DCAF1: variants seen among roughly 807,000 people sequenced by gnomAD.
DCAF1 encodes the protein DDB1 and CUL4 associated factor 1.
Under a neutral mutation model 128.0 loss-of-function variants are expected in DCAF1, and 15 were observed. The ratio of observed to expected loss-of-function variants is 0.12; its 90% confidence interval spans 0.08 to 0.18. The LOEUF is 0.18. DCAF1 is among the 10% of genes least tolerant of loss of function. The pLI, the probability that DCAF1 is intolerant of heterozygous loss-of-function variation, is 1.00. For missense variants in DCAF1, 988 were observed against 1,649.5 expected (o/e 0.60, Z 6.95); for synonymous variants, 610 against 603.0 (o/e 1.01, Z -0.17).
intron 9 of DCAF1, among the ~76,000 whole-genome samples, chr3:51,439,706 T>C (rs1020407317): frequency 6.6e-6 from 1 of 152,108 alleles, no homozygotes. Context: ...AAAAATTTTT[T>C]TGTGGCCAGG....
chr3:51,427,621 C>A, intron 12 of DCAF1, 80 bp from the exon 13 acceptor site: 1 of 449,338 alleles, frequency 2.2e-6, no homozygotes, highest in Non-Finnish European at 4.0e-6. Flanking sequence ...AGCTCACTGG[C>A]CAAGAGATTT....
chr3:51,462,335 T>C (rs1207524455), intron 6 of DCAF1, among the ~76,000 whole-genome samples: 9 of 151,994 alleles, frequency 5.9e-5, no homozygotes, highest in Non-Finnish European at 2.9e-5. Context: ...GGCACAAGAA[T>C]TGCTTGAACC....
chr3:51,432,267 TA>T lies in DCAF1; in HGVS notation c.1287+838del, dbSNP rs879192648. Among the ~76,000 whole-genome samples the T allele has an allele frequency of 5.6e-4, 55 of 99,010 alleles. 1 individual carries two copies. Among genetic ancestry groups the T allele is most frequent in the Middle Eastern group, 0.011 (2 of 174 alleles). 65.0% of individuals were successfully genotyped at this position (99,010 alleles called of 152,430 possible). The stretch of plus-strand genomic sequence containing the variant: ...ACCTGGGAGACAGAGCAAGATTCTG[TA>T]AAAAAAAAAAAAAAAAAAAAGTATA... On this transcript the variant is annotated intron_variant, in intron 10 of 24. Transcript: ENST00000684031.
rs539341630 is a variant in DCAF1, at chr3:51,491,412, T to G, written c.-9+5322A>C. 1.0e-4 allele frequency among the ~76,000 whole-genome samples: 15 copies of G among 150,172 alleles called. No individual in the cohort carries two copies. In the East Asian group the frequency reaches 2.9e-3, roughly 29 times the overall value. ...TTCAAAACTTGCTACAAAACTATAG[T>G]AAATGGAACAGCATGGCACTGACAT... is the stretch of plus-strand genomic sequence containing the variant. On this transcript the variant is annotated intron_variant, in intron 2 of 24. Coordinates refer to ENST00000684031, the MANE Select transcript of DCAF1 (RefSeq NM_001387579.1).
intron 6 of DCAF1, among the ~76,000 whole-genome samples, chr3:51,446,120 A>C (rs937367635): frequency 2.0e-5 from 3 of 150,576 alleles, no homozygotes; most frequent in African/African-American, 7.4e-5. Context: ...TGGCCTCCCG[A>C]GTAGCTGGGA....
intron 23 of DCAF1, among the ~76,000 whole-genome samples, chr3:51,405,928 G>A (rs188671465): frequency 4.1e-4 from 63 of 152,310 alleles, no homozygotes; most frequent in Middle Eastern, 3.4e-3. Context: ...CAGCTACTCA[G>A]GAAGCTGAGG....
At chr3:51,505,406 C>T in the DCAF1 span, among the ~76,000 whole-genome samples, 6 of 152,106 alleles carry the variant, frequency 3.9e-5, no homozygotes, top group Non-Finnish European at 8.8e-5. Flanking sequence ...ATACTTCTAC[C>T]ATGGGCGTAT....
intron 2 of DCAF1, among the ~76,000 whole-genome samples, chr3:51,488,669 G>T (rs1707258248): frequency 6.6e-6 from 1 of 152,218 alleles, no homozygotes; most frequent in Non-Finnish European, 1.5e-5. Context: ...CGGGCATGGT[G>T]GCACGCACCT....
Position 51,443,774 on chromosome 3 carries a change from A to C in DCAF1, c.505T>G (p.Ser169Ala). 1 of 1,604,248 alleles carries C rather than the reference A, an allele frequency of 6.2e-7. No individual in the cohort carries two copies. Among genetic ancestry groups the C allele is most frequent in the South Asian group, 1.1e-5 (1 of 88,472 alleles). The stretch of plus-strand genomic sequence containing the variant: ...TCTAACACAGTCCTTACCAGCTGTG[A>C]ATTTTCATCTCTATAGTTGGCAGCA... ...DIAANYRDENSQLVAIVLRRL... is the reference protein window; with the variant it reads ...DIAANYRDENAQLVAIVLRRL... Residue 169 changes from serine (S) to alanine (A), a missense_variant, in exon 7 of 25, where the codon TCA becomes GCA. Transcript: ENST00000684031.
intron 6 of DCAF1, among the ~76,000 whole-genome samples, chr3:51,456,826 A>T (rs1472276339): frequency 2.6e-5 from 4 of 152,136 alleles, no homozygotes; most frequent in Admixed American, 1.3e-4. Flanking sequence ...CCTCTAGCAA[A>T]CTCCACAAGA....
At chr3:51,485,125 G>C (rs1706778692) in intron 2 of DCAF1, among the ~76,000 whole-genome samples, 1 of 152,072 alleles carries the variant, frequency 6.6e-6, no homozygotes, top group African/African-American at 2.4e-5. Flanking sequence ...ATGTTGGTCA[G>C]GCTGATCTCG....
At chr3:51,486,887 C>G (rs553707620) in intron 2 of DCAF1, among the ~76,000 whole-genome samples, 1 of 152,020 alleles carries the variant, frequency 6.6e-6, no homozygotes, top group South Asian at 2.1e-4. Flanking sequence ...CTGCCTCGGC[C>G]TCCCAAAGTG....
At chr3:51,488,964 C>T (rs543501638) in intron 2 of DCAF1, among the ~76,000 whole-genome samples, 5 of 152,254 alleles carry the variant, frequency 3.3e-5, no homozygotes, top group Admixed American at 6.5e-5. Flanking sequence ...GACTCCGTCT[C>T]GGGTGGGGCA....
chr3:51,464,830 G>A (rs1157101458), intron 5 of DCAF1, among the ~76,000 whole-genome samples: 2 of 152,174 alleles, frequency 1.3e-5, no homozygotes, highest in African/African-American at 4.8e-5. Flanking sequence ...ATTCCAAGCC[G>A]GGATGTAAAA....
At chr3:51,498,873 A>G (rs577600315) in intron 1 of DCAF1, among the ~76,000 whole-genome samples, 2 of 152,306 alleles carry the variant, frequency 1.3e-5, no homozygotes, top group South Asian at 4.1e-4. Flanking sequence ...GAAAAAGAAA[A>G]TGCAGGATGA....
At chr3:51,499,263 C>T (rs901984739) in intron 1 of DCAF1, among the ~76,000 whole-genome samples, 3 of 152,216 alleles carry the variant, frequency 2.0e-5, no homozygotes, top group Non-Finnish European at 2.9e-5. Flanking sequence ...AGGTTTGACT[C>T]CAGGCTGCGG....
At chr3:51,456,918 A>G (rs1577208512) in intron 6 of DCAF1, among the ~76,000 whole-genome samples, 1 of 152,192 alleles carries the variant, frequency 6.6e-6, no homozygotes, top group Admixed American at 6.5e-5. Flanking sequence ...TCTGTACGTC[A>G]CCATCGTCAA....
At chr3:51,443,127 A>G (rs1398116867) in intron 7 of DCAF1, among the ~76,000 whole-genome samples, 2 of 152,200 alleles carry the variant, frequency 1.3e-5, no homozygotes. Flanking sequence ...GGATATTATA[A>G]GTGTTCACAA....
chr3:51,460,448 G>A (rs1217254251), intron 6 of DCAF1, among the ~76,000 whole-genome samples: 3 of 152,164 alleles, frequency 2.0e-5, no homozygotes, highest in African/African-American at 7.2e-5. Context: ...ATGTTCATGG[G>A]TAGGAAGAAT....
Sources: allele counts gnomAD v4.1 joint callset (sites outside exome capture counted in the v4.1 genomes callset), GRCh38; gene constraint gnomAD v4.1.1; transcripts MANE v1.5; gene names NCBI Gene and HGNC (gene_info 2026-07-23, HGNC 2026-07-21).